RORA: variants seen among roughly 807,000 people sequenced by gnomAD.
RORA encodes RAR related orphan receptor A.
RORA carries 7 observed loss-of-function variants against 69.5 expected under a neutral mutation model. The ratio of observed to expected loss-of-function variants is 0.10; its 90% CI spans 0.06 to 0.19. The LOEUF (loss-of-function observed/expected upper bound fraction) is 0.19, where lower values mean the gene tolerates loss of function less well. Ranked by LOEUF, RORA falls within the 10% of genes least tolerant of loss-of-function variation. The probability of loss-of-function intolerance (pLI) is 1.00; values close to 1 mark genes in which losing one functional copy is unlikely to be tolerated. For synonymous variants in RORA, 261 were observed against 240.8 expected (o/e 1.08, Z -0.78); for missense variants, 457 against 663.0 (o/e 0.69, Z 3.41).
chr15:60,925,937 T>G (rs1298855909), intron 1 of RORA, among the ~76,000 whole-genome samples: 1 of 152,182 alleles, frequency 6.6e-6, no homozygotes, highest in African/African-American at 2.4e-5. Flanking sequence ...ATTAAACTCT[T>G]AACACATCAC....
intron 1 of RORA, among the ~76,000 whole-genome samples, chr15:60,693,046 C>T (rs2070851682): frequency 6.6e-6 from 1 of 152,092 alleles, no homozygotes; most frequent in Non-Finnish European, 1.5e-5. Flanking sequence ...ATGCAAAAAT[C>T]CTCAATAAAA....
At chr15:61,044,009 C>T (rs1896908113) in intron 1 of RORA, among the ~76,000 whole-genome samples, 1 of 152,148 alleles carries the variant, frequency 6.6e-6, no homozygotes, top group Non-Finnish European at 1.5e-5. Flanking sequence ...AAAAGAGCCA[C>T]AAACACGGAC....
chr15:60,552,390 A>G (rs1169300197), intron 2 of RORA, among the ~76,000 whole-genome samples: 1 of 152,184 alleles, frequency 6.6e-6, no homozygotes, highest in Admixed American at 6.5e-5. Context: ...TGCTATGAAT[A>G]CCTGCATTCA....
chr15:61,049,820 C>T (rs1047431066), intron 1 of RORA, among the ~76,000 whole-genome samples: 37 of 152,232 alleles, frequency 2.4e-4, no homozygotes, highest in East Asian at 2.1e-3. Flanking sequence ...CCACCACACC[C>T]GGCTAATTTT....
At chr15:60,602,465 T>G (rs930878726) in intron 2 of RORA, among the ~76,000 whole-genome samples, 1 of 152,234 alleles carries the variant, frequency 6.6e-6, no homozygotes, top group Non-Finnish European at 1.5e-5. Context: ...TGGAATCATA[T>G]TATGATTTGC....
intron 1 of RORA, among the ~76,000 whole-genome samples, chr15:61,093,855 C>T (rs531788141): frequency 2.1e-3 from 318 of 152,280 alleles, no homozygotes; most frequent in African/African-American, 5.1e-3. Context: ...CTCCATGAAA[C>T]GGGGTTTGGG....
At chr15:61,081,159 C>A (rs1595960803) in intron 1 of RORA, among the ~76,000 whole-genome samples, 1 of 152,200 alleles carries the variant, frequency 6.6e-6, no homozygotes, top group African/African-American at 2.4e-5. Flanking sequence ...CGCTGGGAAT[C>A]AAAGCATTTA....
At chr15:60,810,062 T>C (rs2072720194) in intron 1 of RORA, among the ~76,000 whole-genome samples, 4 of 152,194 alleles carry the variant, frequency 2.6e-5, no homozygotes, top group African/African-American at 7.2e-5. Context: ...TCTATTTTGT[T>C]GGCTTCCTTG....
At chr15:60,730,994 C>G (rs1264203083) in intron 1 of RORA, among the ~76,000 whole-genome samples, 1 of 152,022 alleles carries the variant, frequency 6.6e-6, no homozygotes, top group Non-Finnish European at 1.5e-5. Flanking sequence ...AATATTTCAT[C>G]ACTCAGGTAT....
At chr15:60,962,798 G>A (rs907469022) in intron 1 of RORA, among the ~76,000 whole-genome samples, 1 of 152,146 alleles carries the variant, frequency 6.6e-6, no homozygotes, top group African/African-American at 2.4e-5. Flanking sequence ...CAATCAAACT[G>A]GGAAAACACA....
intron 1 of RORA, among the ~76,000 whole-genome samples, chr15:60,931,332 C>T (rs561941250): frequency 1.4e-4 from 22 of 152,296 alleles, no homozygotes; most frequent in Non-Finnish European, 2.6e-4. Context: ...CTGCCACCCA[C>T]GAACAGCCCC....
chr15:60,577,371 T>A (rs1420649941), intron 2 of RORA, among the ~76,000 whole-genome samples: 2 of 152,102 alleles, frequency 1.3e-5, no homozygotes, highest in Non-Finnish European at 2.9e-5. Context: ...AGGCCTGGTG[T>A]GGTGGCTCAC....
chr15:60,891,673 C>G (rs1028781430), intron 1 of RORA, among the ~76,000 whole-genome samples: 1 of 152,310 alleles, frequency 6.6e-6, no homozygotes, highest in Admixed American at 6.5e-5. Flanking sequence ...CTGCTCTGGC[C>G]TCTGCCTGTC....
chr15:60,672,656 A>C (rs1177854391), intron 2 of RORA, among the ~76,000 whole-genome samples: 1 of 152,160 alleles, frequency 6.6e-6, no homozygotes, highest in African/African-American at 2.4e-5. Flanking sequence ...GAGGTTTTTC[A>C]CTTCTCTAAG....
chr15:61,055,188 A>AC (rs71122899), intron 1 of RORA, among the ~76,000 whole-genome samples: 24,345 of 152,164 alleles, frequency 0.16, 2,295 homozygotes, highest in African/African-American at 0.24. Context: ...TAAAGGTGCC[A>AC]CTTGACCATC....
intron 2 of RORA, among the ~76,000 whole-genome samples, chr15:60,675,534 G>T (rs1596116389): frequency 6.6e-6 from 1 of 152,134 alleles, no homozygotes; most frequent in African/African-American, 2.4e-5. Flanking sequence ...TCCAAAGCTT[G>T]TCTTCTCCCA....
intron 1 of RORA, among the ~76,000 whole-genome samples, chr15:61,167,058 T>C (rs2140889083): frequency 1.3e-5 from 2 of 152,230 alleles, no homozygotes; most frequent in South Asian, 2.1e-4. Context: ...ATACACAAAA[T>C]CACAGAATCG....
intron 1 of RORA, among the ~76,000 whole-genome samples, chr15:60,802,417 G>A (rs1049599769): frequency 6.6e-6 from 1 of 152,120 alleles, no homozygotes; most frequent in African/African-American, 2.4e-5. Flanking sequence ...CATTTCATTT[G>A]TTCATTGTGA....
At chr15:61,069,448 CA>C (rs2078309257) in intron 1 of RORA, among the ~76,000 whole-genome samples, 1 of 151,958 alleles carries the variant, frequency 6.6e-6, no homozygotes, top group East Asian at 1.9e-4. Flanking sequence ...AGCAAAGTCA[CA>C]AAAAGAGAGG....
Sources: gnomAD v4.1 joint callset for allele counts (sites outside exome capture counted in the v4.1 genomes callset) on GRCh38, gnomAD v4.1.1 for gene constraint, MANE v1.5 for transcripts, NCBI Gene and HGNC (gene_info 2026-07-23, HGNC 2026-07-21) for gene names.